The following CCDC7 variants were observed in gnomAD, a reference collection of about 807,000 sequenced individuals.
The protein encoded by CCDC7 is coiled-coil domain containing 7, also known as coiled-coil domain-containing protein 7.
Under a neutral mutation model 196.9 loss-of-function variants are expected in CCDC7, and 183 were observed. The ratio of observed to expected loss-of-function variants is 0.93; its 90% CI spans 0.82 to 1.05. CCDC7 has a LOEUF of 1.05. Among genes scored for constraint, CCDC7 ranks in the 50% least tolerant of loss-of-function variants. The pLI, the probability that CCDC7 is intolerant of heterozygous loss-of-function variation, is 0.00. For missense variants in CCDC7, 1,540 were observed against 1,482.2 expected (o/e 1.04, Z -0.64); for synonymous variants, 525 against 484.6 (o/e 1.08, Z -1.10).
chr10:32,662,498 C>A (rs1367197884), intron 20 of CCDC7, among the ~76,000 whole-genome samples: 6 of 152,172 alleles, frequency 3.9e-5, no homozygotes, highest in Non-Finnish European at 7.3e-5. Context: ...ACTATTTGGA[C>A]TGTAGTGGGG....
intron 24 of CCDC7, among the ~76,000 whole-genome samples, chr10:32,710,394 C>T (rs2141878463): frequency 6.6e-6 from 1 of 152,290 alleles, no homozygotes; most frequent in South Asian, 2.1e-4. Context: ...TCTCTGAAAA[C>T]TTTCAGTCTC....
chr10:32,461,689 A>ATG (rs1564631394), intron 3 of CCDC7, among the ~76,000 whole-genome samples: 1 of 56,880 alleles, frequency 1.8e-5, no homozygotes, highest in Non-Finnish European at 4.0e-5. Flanking sequence ...TTCCTTACAT[A>ATG]TATGTGTGTG....
chr10:32,842,820 T>C (rs2093052726), intron 33 of CCDC7, among the ~76,000 whole-genome samples: 1 of 152,076 alleles, frequency 6.6e-6, no homozygotes, highest in Non-Finnish European at 1.5e-5. Flanking sequence ...GAGACTATTA[T>C]TATAAGTGAA....
chr10:32,871,333 ATGTATG>A (rs1378236100), intron 41 of CCDC7, among the ~76,000 whole-genome samples: 2 of 151,564 alleles, frequency 1.3e-5, no homozygotes, highest in Non-Finnish European at 2.9e-5. Flanking sequence ...TCTTGGGAGG[ATGTATG>A]TGTTGAGGAA....
At chr10:32,471,128 A>T (rs767870124) in exon 6 of CCDC7, 1 of 1,612,626 alleles carries the variant, frequency 6.2e-7, no homozygotes, top group Non-Finnish European at 8.5e-7. Flanking sequence ...GTCATTTTAA[A>T]TATTGCAGAA....
At position 32,516,810 on chromosome 10, in the gene CCDC7, T is replaced by G. The variant is rs186504163; in HGVS notation, c.873-1135T>G. Among the ~76,000 whole-genome samples the G allele has an allele frequency of 1.5e-4, 23 of 152,360 alleles. No homozygotes were observed. The East Asian group carries it at 2.7e-3, about 18-fold the overall frequency. ...GCATATGATTCAGAAATTCTGTGTCTAGGTTTATACATGAGATAAATGAAA... is the reference window on the plus strand; with the variant it reads ...GCATATGATTCAGAAATTCTGTGTCGAGGTTTATACATGAGATAAATGAAA... On this transcript the variant is annotated intron_variant, in intron 9 of 41. Transcript: ENST00000639629.
chr10:32,716,660 A>G (rs1406388023), intron 25 of CCDC7, among the ~76,000 whole-genome samples: 2 of 152,220 alleles, frequency 1.3e-5, no homozygotes, highest in African/African-American at 4.8e-5. Context: ...TCCAATTCAT[A>G]TGCAGAGACA....
intron 21 of CCDC7, among the ~76,000 whole-genome samples, chr10:32,672,916 C>G (rs1762535): frequency 6.6e-6 from 1 of 151,986 alleles, no homozygotes; most frequent in Non-Finnish European, 1.5e-5. Context: ...ATCTCCTCTG[C>G]CATCTTGGTG....
rs535654231 is a variant in CCDC7, at chr10:32,697,475, A to T, written c.2458+2483A>T. On this transcript the variant is annotated intron_variant, in intron 24 of 41. Coordinates refer to ENST00000639629, the Ensembl canonical transcript of CCDC7. ...AAAATCAGGACACTCCCGCCTTAAT[A>T]CAGCGCTTTTCCAATGGTCTTAGCA... Among the ~76,000 whole-genome samples, 131 of 152,332 alleles carry T rather than the reference A, an allele frequency of 8.6e-4. 1 individual carries two copies. The highest frequency in any genetic ancestry group is 2.9e-3 in the African/African-American group (119 of 41,580).
intron 8 of CCDC7, among the ~76,000 whole-genome samples, chr10:32,484,851 C>T (rs1378882331): frequency 3.3e-5 from 5 of 152,184 alleles, no homozygotes. Context: ...ATGAAGCCCA[C>T]TTGATCGTGG....
intron 31 of CCDC7, among the ~76,000 whole-genome samples, chr10:32,816,198 A>T (rs140955939): frequency 1.3e-5 from 2 of 152,198 alleles, no homozygotes; most frequent in African/African-American, 2.4e-5. Flanking sequence ...TATCCTGCGC[A>T]TGGCTCGGAG....
rs953793827 is a variant in CCDC7 at position 32,816,650 on chromosome 10, C to T, written c.3181+2197C>T. ...CTCTGAGACAAAACTTCCAGAGGAA[C>T]GATCAGGCAGCAACATTTGCTGTTC... On this transcript the variant is annotated intron_variant, in intron 31 of 41. Transcript: ENST00000639629. 2.6e-5 allele frequency among the ~76,000 whole-genome samples: 4 copies of T among 152,276 alleles called. No individual in the cohort carries two copies. The South Asian group carries it at 6.2e-4, about 24-fold the overall frequency.
intron 28 of CCDC7, among the ~76,000 whole-genome samples, chr10:32,755,090 G>C (rs1259877954): frequency 3.9e-5 from 6 of 152,214 alleles, no homozygotes; most frequent in Non-Finnish European, 7.3e-5. Flanking sequence ...CCATTGCTGA[G>C]GCTTGAGTAG....
chr10:32,736,144 T>C (rs2084829923), intron 28 of CCDC7, among the ~76,000 whole-genome samples: 1 of 152,158 alleles, frequency 6.6e-6, no homozygotes, highest in Non-Finnish European at 1.5e-5. Context: ...ATTCTGGGTC[T>C]TTTGCCTTTC....
intron 41 of CCDC7, among the ~76,000 whole-genome samples, chr10:32,869,096 G>A (rs1167881145): frequency 6.6e-6 from 1 of 152,112 alleles, no homozygotes; most frequent in African/African-American, 2.4e-5. Context: ...TAATGGGATT[G>A]CTGGGTCAAA....
intron 5 of CCDC7, 46 bp from the exon 7 acceptor site, chr10:32,471,018 A>G (rs753487181): frequency 2.7e-6 from 4 of 1,488,966 alleles, no homozygotes; most frequent in Non-Finnish European, 2.7e-6. Context: ...AGGTATGGGA[A>G]CAAAATGGGT....
intron 41 of CCDC7, among the ~76,000 whole-genome samples, chr10:32,857,903 GA>G (rs1179067514): frequency 1.3e-5 from 2 of 150,976 alleles, no homozygotes; most frequent in Non-Finnish European, 3.0e-5. Context: ...ACTAAGAAAA[GA>G]AGAGAAAAAC....
chr10:32,739,596 G>C (rs951343), intron 28 of CCDC7, among the ~76,000 whole-genome samples: 21,036 of 150,484 alleles, frequency 0.14, 1,763 homozygotes, highest in East Asian at 0.25. Flanking sequence ...ATGATAATTT[G>C]AAAAATTCTG....
intron 24 of CCDC7, among the ~76,000 whole-genome samples, chr10:32,703,110 T>C (rs1015112069): frequency 2.0e-5 from 3 of 152,158 alleles, no homozygotes; most frequent in African/African-American, 4.8e-5. Flanking sequence ...TTCCTAGCAT[T>C]GATGGTCTTT....
Sources: allele counts gnomAD v4.1 joint callset (sites outside exome capture counted in the v4.1 genomes callset), GRCh38; gene constraint gnomAD v4.1.1; transcripts MANE v1.5; gene names NCBI Gene and HGNC (gene_info 2026-07-23, HGNC 2026-07-21).